SAMD3: variants seen among roughly 807,000 people sequenced by gnomAD.
SAMD3 encodes sterile alpha motif domain containing 3, also known as sterile alpha motif domain-containing protein 3.
In SAMD3, 63 loss-of-function variants were observed where a neutral mutation model predicts 58.5. The observed-to-expected ratio is 1.08, with a 90% confidence interval of 0.88 to 1.33. SAMD3 has a LOEUF of 1.33. Ranked by LOEUF, SAMD3 falls within the 40% of genes most tolerant of loss-of-function variation. SAMD3 has a pLI of 0.00. For synonymous variants in SAMD3, 220 were observed against 210.3 expected, an observed-to-expected ratio of 1.05 and a Z score of -0.40; for missense variants, 604 against 608.4, an observed-to-expected ratio of 0.99 and a Z score of 0.08.
chr6:130,157,094 A>AATAC (rs1270900956), intron 8 of SAMD3, among the ~76,000 whole-genome samples: 8 of 149,694 alleles, frequency 5.3e-5, no homozygotes, highest in African/African-American at 2.0e-4. Context: ...TAAATAAATA[A>AATAC]ATAAATAAAT....
chr6:130,183,655 C>A (rs2114704829), intron 7 of SAMD3, among the ~76,000 whole-genome samples: 1 of 152,338 alleles, frequency 6.6e-6, no homozygotes, highest in East Asian at 1.9e-4. Flanking sequence ...ACCATAATCA[C>A]TATCCATTTT....
intron 1 of SAMD3, among the ~76,000 whole-genome samples, chr6:130,330,765 G>T (rs571049986): frequency 6.6e-6 from 1 of 152,264 alleles, no homozygotes; most frequent in African/African-American, 2.4e-5. Flanking sequence ...GTGAGCATCG[G>T]CTGTTTGGGT....
chr6:130,276,181 A>T (rs1242391504), intron 2 of SAMD3, among the ~76,000 whole-genome samples: 1 of 152,172 alleles, frequency 6.6e-6, no homozygotes, highest in Non-Finnish European at 1.5e-5. Flanking sequence ...CCTTTAGAAG[A>T]GAGAAAAAGT....
chr6:130,285,558 C>T (rs1394871221), intron 2 of SAMD3, among the ~76,000 whole-genome samples: 1 of 152,092 alleles, frequency 6.6e-6, no homozygotes, highest in Non-Finnish European at 1.5e-5. Context: ...GATAAAAAGC[C>T]AATATGCTAA....
At chr6:130,191,623 C>T (rs1193917430) in intron 5 of SAMD3, among the ~76,000 whole-genome samples, 3 of 132,622 alleles carry the variant, frequency 2.3e-5, no homozygotes, top group Non-Finnish European at 4.9e-5. Flanking sequence ...TTGCTTCCTT[C>T]CTTTTTTTTT....
At chr6:130,212,316 G>A (rs191939710) in intron 4 of SAMD3, among the ~76,000 whole-genome samples, 21 of 152,214 alleles carry the variant, frequency 1.4e-4, no homozygotes, top group Admixed American at 3.9e-4. Context: ...TTCTGCACCA[G>A]AATAATTTAA....
chr6:130,168,341 A>G (rs1790912282), intron 8 of SAMD3, among the ~76,000 whole-genome samples: 2 of 152,152 alleles, frequency 1.3e-5, no homozygotes, highest in Admixed American at 1.3e-4. Context: ...AGGCTGAGGC[A>G]GGAGAATCGC....
chr6:130,291,417 T>G (rs1775357678), intron 2 of SAMD3, among the ~76,000 whole-genome samples: 1 of 152,198 alleles, frequency 6.6e-6, no homozygotes, highest in African/African-American at 2.4e-5. Context: ...TAATTGACCT[T>G]TTGAAGATGG....
At chr6:130,356,680 G>A (rs958243933) in intron 1 of SAMD3, among the ~76,000 whole-genome samples, 6 of 152,170 alleles carry the variant, frequency 3.9e-5, no homozygotes, top group South Asian at 2.1e-4. Flanking sequence ...TCCTGTAGAC[G>A]GTACCAGAGT....
At chr6:130,303,290 G>C (rs1436302262) in intron 2 of SAMD3, among the ~76,000 whole-genome samples, 1 of 152,070 alleles carries the variant, frequency 6.6e-6, no homozygotes, top group Non-Finnish European at 1.5e-5. Flanking sequence ...GAAAAAAATA[G>C]ATACCCTCAC....
At chr6:130,183,503 A>C in intron 7 of SAMD3, 1 of 409,870 alleles carries the variant, frequency 2.4e-6, no homozygotes, top group Non-Finnish European at 4.7e-6. Flanking sequence ...GGCAAGAAAC[A>C]CTTGATGACA....
chr6:130,324,924 C>T (rs376922420), intron 1 of SAMD3, among the ~76,000 whole-genome samples: 1 of 152,204 alleles, frequency 6.6e-6, no homozygotes, highest in South Asian at 2.1e-4. Context: ...TGCCAAGGAG[C>T]CAGGGGTTCT....
intron 5 of SAMD3, among the ~76,000 whole-genome samples, chr6:130,185,636 T>C (rs1422528346): frequency 6.6e-6 from 1 of 151,160 alleles, no homozygotes; most frequent in African/African-American, 2.4e-5. Flanking sequence ...CAATTTTTTT[T>C]TTTTTTTTTT....
chr6:130,293,882 T>G (rs1031923169), intron 2 of SAMD3, among the ~76,000 whole-genome samples: 6 of 152,040 alleles, frequency 3.9e-5, no homozygotes, highest in Admixed American at 2.0e-4. Context: ...GTTGCGGAAG[T>G]CTTATGCTAT....
chr6:130,273,529 C>T (rs1179403350), intron 2 of SAMD3, among the ~76,000 whole-genome samples: 2 of 151,782 alleles, frequency 1.3e-5, no homozygotes, highest in African/African-American at 2.4e-5. Flanking sequence ...TTACAATTGC[C>T]GTTTTGTTGT....
chr6:130,283,607 C>T (rs546012404), intron 2 of SAMD3, among the ~76,000 whole-genome samples: 1 of 152,140 alleles, frequency 6.6e-6, no homozygotes, highest in East Asian at 1.9e-4. Context: ...TGCCTTTCTT[C>T]AAATTACTAA....
intron 5 of SAMD3, among the ~76,000 whole-genome samples, chr6:130,194,284 T>G (rs1311251477): frequency 6.6e-6 from 1 of 152,248 alleles, no homozygotes; most frequent in African/African-American, 2.4e-5. Context: ...CCCAGCCCAG[T>G]TCATGGCTTG....
intron 2 of SAMD3, among the ~76,000 whole-genome samples, chr6:130,282,268 T>C (rs1775007600): frequency 1.3e-5 from 2 of 152,084 alleles, no homozygotes; most frequent in South Asian, 4.1e-4. Flanking sequence ...TGTGTTCTAG[T>C]CCTAAAGAGA....
upstream of SAMD3, among the ~76,000 whole-genome samples, chr6:130,224,346 T>C (rs925644403): frequency 6.6e-6 from 1 of 152,012 alleles, no homozygotes; most frequent in African/African-American, 2.4e-5. Flanking sequence ...TGTTCTCACT[T>C]ACGTCCATGG....
Sources: allele counts gnomAD v4.1 joint callset (sites outside exome capture counted in the v4.1 genomes callset), GRCh38; gene constraint gnomAD v4.1.1; transcripts MANE v1.5; gene names NCBI Gene and HGNC (gene_info 2026-07-23, HGNC 2026-07-21).